The following SCMH1 variants were observed in gnomAD, a reference collection of about 807,000 sequenced individuals.
SCMH1 encodes the protein polycomb protein SCMH1.
SCMH1 carries 37 observed loss-of-function variants against 70.8 expected under a neutral mutation model. That is an observed-to-expected ratio of 0.52 (90% CI 0.40 to 0.69). SCMH1 has a LOEUF of 0.69. SCMH1 is among the 30% of genes least tolerant of loss of function. SCMH1 has a pLI of 0.00. For synonymous variants in SCMH1, 292 were observed against 307.4 expected (o/e 0.95, Z 0.52); for missense variants, 607 against 827.3 (o/e 0.73, Z 3.27).
chr1:41,170,208 T>C (rs1431315382), intron 2 of SCMH1, among the ~76,000 whole-genome samples: 1 of 152,158 alleles, frequency 6.6e-6, no homozygotes, highest in Admixed American at 6.5e-5. Flanking sequence ...TCCCCTCTGC[T>C]CCCAGAGTTG....
At chr1:41,072,699 A>G (rs969656921) in intron 9 of SCMH1, among the ~76,000 whole-genome samples, 1 of 152,138 alleles carries the variant, frequency 6.6e-6, no homozygotes, top group Non-Finnish European at 1.5e-5. Flanking sequence ...CCATGTCTAC[A>G]AAAGTTTTTT....
At chr1:41,041,029 G>GGCTAGATACTAGATTATCTC (rs1553198411) in intron 12 of SCMH1, among the ~76,000 whole-genome samples, 11 of 152,136 alleles carry the variant, frequency 7.2e-5, no homozygotes, top group Admixed American at 2.0e-4. Flanking sequence ...TCATGTGTTG[G>GGCTAGATACTAGATTATCTC]GCTAGATACT....
chr1:41,038,708 TA>T (rs1407267395), intron 12 of SCMH1, among the ~76,000 whole-genome samples: 3 of 150,440 alleles, frequency 2.0e-5, no homozygotes, highest in Non-Finnish European at 4.5e-5. Context: ...TCTGAAAAGA[TA>T]AGTCTGAGGG....
intron 10 of SCMH1, among the ~76,000 whole-genome samples, chr1:41,057,334 C>T (rs184412083): frequency 3.3e-4 from 50 of 152,218 alleles, no homozygotes; most frequent in Admixed American, 9.8e-4. Context: ...GGCATGATCT[C>T]GGCTCCCTGC....
chr1:41,193,365 A>G (rs188077911), intron 1 of SCMH1, among the ~76,000 whole-genome samples: 3 of 152,318 alleles, frequency 2.0e-5, no homozygotes, highest in Non-Finnish European at 4.4e-5. Context: ...ACAAAGACAA[A>G]TAAGTGTAAG....
chr1:41,146,211 T>C (rs1214284581), intron 5 of SCMH1, among the ~76,000 whole-genome samples: 1 of 150,446 alleles, frequency 6.6e-6, no homozygotes, highest in African/African-American at 2.4e-5. Context: ...AAAAAGAGTT[T>C]AAAAGGTAAA....
At chr1:41,071,909 C>G (rs1470851315) in intron 9 of SCMH1, among the ~76,000 whole-genome samples, 1 of 152,202 alleles carries the variant, frequency 6.6e-6, no homozygotes, top group Admixed American at 6.5e-5. Context: ...AGCGATCCTC[C>G]TACCTTGGCC....
chr1:41,181,672 T>C (rs1648809512), intron 2 of SCMH1, among the ~76,000 whole-genome samples: 1 of 152,154 alleles, frequency 6.6e-6, no homozygotes, highest in Admixed American at 6.5e-5. Context: ...CCAGTTAGAA[T>C]AGCAATCATT....
intron 9 of SCMH1, among the ~76,000 whole-genome samples, chr1:41,075,009 C>T (rs1423934963): frequency 6.6e-6 from 1 of 152,070 alleles, no homozygotes; most frequent in Non-Finnish European, 1.5e-5. Context: ...ACTACAGGCG[C>T]CCACCACCAC....
chr1:41,174,244 A>C (rs981444436), intron 2 of SCMH1, among the ~76,000 whole-genome samples: 2 of 151,032 alleles, frequency 1.3e-5, no homozygotes, highest in Non-Finnish European at 2.9e-5. Context: ...TAACAGACAA[A>C]ACCAAAAAAG....
At chr1:41,177,999 T>G (rs1038418903) in intron 2 of SCMH1, among the ~76,000 whole-genome samples, 6 of 152,166 alleles carry the variant, frequency 3.9e-5, no homozygotes, top group African/African-American at 1.4e-4. Flanking sequence ...AAAGGTTGGG[T>G]TACCCACAAA....
chr1:41,182,127 C>T (rs573346124), intron 2 of SCMH1, among the ~76,000 whole-genome samples: 4 of 152,246 alleles, frequency 2.6e-5, no homozygotes, highest in African/African-American at 7.2e-5. Flanking sequence ...CATGTTCTCA[C>T]TCATAGGTGG....
chr1:41,175,903 G>T (rs1647087118), intron 2 of SCMH1, among the ~76,000 whole-genome samples: 1 of 151,904 alleles, frequency 6.6e-6, no homozygotes. Flanking sequence ...AGGGGATCAT[G>T]ATTAATTTTA....
At chr1:41,137,294 A>C (rs1643501140) in intron 6 of SCMH1, among the ~76,000 whole-genome samples, 1 of 152,132 alleles carries the variant, frequency 6.6e-6, no homozygotes, top group African/African-American at 2.4e-5. Flanking sequence ...TATATCTCAA[A>C]ATTCTGATGT....
At chr1:41,106,358 C>G (rs1226572774) in intron 8 of SCMH1, among the ~76,000 whole-genome samples, 2 of 151,706 alleles carry the variant, frequency 1.3e-5, no homozygotes, top group South Asian at 4.2e-4. Context: ...GTGACACCCC[C>G]CTCCCCACAC....
chr1:41,031,023 C>T (rs1250421755), intron 13 of SCMH1, among the ~76,000 whole-genome samples: 1 of 152,154 alleles, frequency 6.6e-6, no homozygotes, highest in African/African-American at 2.4e-5. Flanking sequence ...TGCAGTGGCT[C>T]ACGCTGTAAT....
At chr1:41,159,596 T>G (rs1212522652) in intron 4 of SCMH1, 6 of 1,042,062 alleles carry the variant, frequency 5.8e-6, no homozygotes, top group East Asian at 6.2e-5. Flanking sequence ...AATTTGAACC[T>G]TGGTTCAAAT....
intron 13 of SCMH1, among the ~76,000 whole-genome samples, chr1:41,035,967 C>G (rs940831876): frequency 2.6e-5 from 4 of 152,186 alleles, no homozygotes; most frequent in Non-Finnish European, 4.4e-5. Flanking sequence ...TTCAAATACT[C>G]TCTGTAGTCC....
chr1:41,075,448 A>T (rs1007052726), exon 9 of SCMH1: 1 of 1,613,394 alleles, frequency 6.2e-7, no homozygotes, highest in Admixed American at 1.7e-5. Context: ...CTTTGGAATC[A>T]CAACTGCAAG....
Sources: allele counts gnomAD v4.1 joint callset (sites outside exome capture counted in the v4.1 genomes callset), GRCh38; gene constraint gnomAD v4.1.1; transcripts MANE v1.5; gene names NCBI Gene and HGNC (gene_info 2026-07-23, HGNC 2026-07-21).